ROBO2: variants seen among roughly 807,000 people sequenced by gnomAD.
ROBO2 encodes the protein roundabout homolog 2.
Under a neutral mutation model 160.8 loss-of-function variants are expected in ROBO2, and 53 were observed. That is an observed-to-expected ratio of 0.33 (90% confidence interval 0.26 to 0.41). The LOEUF (loss-of-function observed/expected upper bound fraction) is 0.41, where lower values mean the gene tolerates loss of function less well. ROBO2 is among the 10% of genes least tolerant of loss of function. The pLI is 1.00. For missense variants in ROBO2, 1,577 were observed against 1,722.4 expected (o/e 0.92, Z 1.49); for synonymous variants, 664 against 611.7 (o/e 1.09, Z -1.26).
chr3:76,662,364 T>C (rs2110065477), intron 2 of ROBO2, among the ~76,000 whole-genome samples: 1 of 152,298 alleles, frequency 6.6e-6, no homozygotes, highest in South Asian at 2.1e-4. Context: ...ACATAGTAGG[T>C]GTATATATTT....
intron 2 of ROBO2, among the ~76,000 whole-genome samples, chr3:75,944,479 A>G (rs1415322076): frequency 7.9e-5 from 12 of 152,126 alleles, no homozygotes; most frequent in East Asian, 3.9e-4. Context: ...TGAATTACAC[A>G]TGAATTTCAA....
chr3:76,428,983 A>G (rs1182958298), intron 2 of ROBO2, among the ~76,000 whole-genome samples: 1 of 152,200 alleles, frequency 6.6e-6, no homozygotes, highest in Non-Finnish European at 1.5e-5. Context: ...ACCTGGAGTG[A>G]TAAGACTGGA....
At chr3:77,484,941 A>G (rs567248325) in intron 4 of ROBO2, among the ~76,000 whole-genome samples, 1 of 152,228 alleles carries the variant, frequency 6.6e-6, no homozygotes, top group African/African-American at 2.4e-5. Context: ...TATACCTGTC[A>G]TGAATTCTTG....
intron 2 of ROBO2, among the ~76,000 whole-genome samples, chr3:77,240,032 A>C (rs1395830534): frequency 2.0e-5 from 3 of 152,174 alleles, no homozygotes; most frequent in Admixed American, 2.0e-4. Context: ...GGCTTTGCCT[A>C]GTGGATCCCA....
chr3:76,092,053 TG>T (rs2069257219), intron 2 of ROBO2, among the ~76,000 whole-genome samples: 1 of 152,098 alleles, frequency 6.6e-6, no homozygotes, highest in Non-Finnish European at 1.5e-5. Flanking sequence ...GCATCTAGAG[TG>T]ACAAACTATG....
chr3:77,139,887 A>G (rs1261492844), intron 2 of ROBO2, among the ~76,000 whole-genome samples: 2 of 152,136 alleles, frequency 1.3e-5, no homozygotes, highest in East Asian at 3.9e-4. Context: ...ACAACCCCAC[A>G]TGTCAGAGCC....
intron 2 of ROBO2, among the ~76,000 whole-genome samples, chr3:75,944,629 T>A (rs1948201113): frequency 6.6e-6 from 1 of 152,154 alleles, no homozygotes; most frequent in East Asian, 1.9e-4. Context: ...AATCATCATA[T>A]CTTGTCTGAA....
At chr3:77,185,351 G>T (rs967504777) in intron 2 of ROBO2, among the ~76,000 whole-genome samples, 5 of 151,936 alleles carry the variant, frequency 3.3e-5, no homozygotes, top group Admixed American at 2.0e-4. Flanking sequence ...TGAAGAGCAG[G>T]TTTTTAGTGA....
At chr3:76,243,942 T>TGGGAAGAA (rs904131193) in intron 2 of ROBO2, among the ~76,000 whole-genome samples, 5 of 152,210 alleles carry the variant, frequency 3.3e-5, no homozygotes, top group African/African-American at 4.8e-5. Flanking sequence ...TTTTTTAATT[T>TGGGAAGAA]GGGAAGAAGG....
intron 2 of ROBO2, among the ~76,000 whole-genome samples, chr3:77,252,564 T>C (rs939497367): frequency 4.6e-5 from 7 of 151,470 alleles, no homozygotes; most frequent in Admixed American, 4.6e-4. Flanking sequence ...TCCCAGCACT[T>C]TGGGAGGCCG....
rs146130319 is a variant in ROBO2 at position 76,331,067 on chromosome 3, C to G, written c.109+393465C>G. Among the ~76,000 whole-genome samples, 658 of 152,238 alleles carry G rather than the reference C, an allele frequency of 4.3e-3. 6 individuals are homozygous for G. The highest frequency in any genetic ancestry group is 0.015 in the African/African-American group (615 of 41,536). ...GATTTATCATTTTGAAGCTTTTCTA[C>G]CACTTCGAATGGAATAACTAAGATA... On this transcript the variant is annotated intron_variant, in intron 2 of 26. Transcript: ENST00000487694.
intron 5 of ROBO2, among the ~76,000 whole-genome samples, chr3:77,497,336 C>T (rs2153603918): frequency 6.6e-6 from 1 of 152,174 alleles, no homozygotes; most frequent in African/African-American, 2.4e-5. Context: ...AAGTGAAAGG[C>T]ATTTTATAGT....
At chr3:77,088,843 A>G (rs983135571) in intron 1 of ROBO2, among the ~76,000 whole-genome samples, 2 of 152,214 alleles carry the variant, frequency 1.3e-5, no homozygotes, top group Non-Finnish European at 2.9e-5. Flanking sequence ...TATCAAAAGT[A>G]TGAACAGTAA....
intron 2 of ROBO2, among the ~76,000 whole-genome samples, chr3:77,435,096 A>G (rs557055468): frequency 7.2e-5 from 11 of 152,178 alleles, no homozygotes; most frequent in Non-Finnish European, 1.3e-4. Flanking sequence ...AAGTAGGTAA[A>G]AAAGAAGGCA....
At chr3:77,224,969 C>T (rs76518841) in intron 2 of ROBO2, among the ~76,000 whole-genome samples, 7,603 of 151,684 alleles carry the variant, frequency 0.05, 284 homozygotes, top group African/African-American at 0.098. Context: ...CATAAATAGC[C>T]AAATTTATCA....
At chr3:75,908,840 T>G (rs1364092871) in intron 1 of ROBO2, among the ~76,000 whole-genome samples, 4 of 152,194 alleles carry the variant, frequency 2.6e-5, no homozygotes, top group Admixed American at 2.6e-4. Context: ...ACAGGGAGAC[T>G]CAATTTTTAC....
chr3:76,232,442 C>G (rs141998538), intron 2 of ROBO2, among the ~76,000 whole-genome samples: 1 of 152,160 alleles, frequency 6.6e-6, no homozygotes, highest in Non-Finnish European at 1.5e-5. Context: ...AACCTGTAAT[C>G]ATTTCTATAA....
rs190061478 is a variant in ROBO2 at position 77,198,580 on chromosome 3, C to T, written c.388+100240C>T. On this transcript the variant is annotated intron_variant, in intron 2 of 25. Coordinates refer to ENST00000461745, the Ensembl canonical transcript of ROBO2. Reference sequence around the variant, plus strand: ...TCAGATTGTACATGGCTTTTTCAGCCGGGCCCCAAAATATTTCTTAGAAAG... The same window carrying T: ...TCAGATTGTACATGGCTTTTTCAGCTGGGCCCCAAAATATTTCTTAGAAAG... Among the ~76,000 whole-genome samples the T allele has an allele frequency of 1.1e-3, 167 of 152,086 alleles. 2 individuals carry two copies. Among genetic ancestry groups the T allele is most frequent in the East Asian group, 2.5e-3 (13 of 5,148 alleles).
chr3:76,693,493 A>ATAT (rs4053711), intron 2 of ROBO2, among the ~76,000 whole-genome samples: 6 of 150,818 alleles, frequency 4.0e-5, no homozygotes, highest in African/African-American at 1.2e-4. Flanking sequence ...GTGTATATAT[A>ATAT]CATATATAGA....
Sources: gnomAD v4.1 joint callset for allele counts (sites outside exome capture counted in the v4.1 genomes callset) on GRCh38, gnomAD v4.1.1 for gene constraint, MANE v1.5 for transcripts, NCBI Gene and HGNC (gene_info 2026-07-23, HGNC 2026-07-21) for gene names.